COL11A1: variants seen among roughly 807,000 people sequenced by gnomAD.
The protein encoded by COL11A1 is collagen type XI alpha 1 chain.
Under a neutral mutation model 265.2 loss-of-function variants are expected in COL11A1, and 74 were observed. The observed-to-expected ratio is 0.28, with a 90% CI of 0.23 to 0.34. The LOEUF (loss-of-function observed/expected upper bound fraction) is 0.34, where lower values mean the gene tolerates loss of function less well. COL11A1 is among the 10% of genes least tolerant of loss of function. COL11A1 has a pLI of 1.00. For missense variants in COL11A1, 2,165 were observed against 2,263.6 expected (o/e 0.96, Z 0.88); for synonymous variants, 816 against 727.6 (o/e 1.12, Z -1.96).
intron 5 of COL11A1, among the ~76,000 whole-genome samples, chr1:103,027,781 A>G (rs1264374719): frequency 6.6e-6 from 1 of 152,106 alleles, no homozygotes; most frequent in African/African-American, 2.4e-5. Context: ...AACCTGGACA[A>G]CTTAAACGTA....
At chr1:103,001,659 T>A (rs777695679) in intron 24 of COL11A1, 3 of 516,462 alleles carry the variant, frequency 5.8e-6, no homozygotes, top group Non-Finnish European at 1.0e-5. Context: ...TATTCACTCA[T>A]ACCGTTATGT....
intron 37 of COL11A1, among the ~76,000 whole-genome samples, chr1:102,967,486 C>G (rs12123005): frequency 0.076 from 11,502 of 151,932 alleles, 490 homozygotes; most frequent in African/African-American, 0.11. Context: ...GTGATCCGCC[C>G]GCCTCGGCCT....
At chr1:103,009,206 G>A (rs987556701) in intron 14 of COL11A1, among the ~76,000 whole-genome samples, 3 of 152,158 alleles carry the variant, frequency 2.0e-5, no homozygotes, top group Admixed American at 2.0e-4. Context: ...CTGAGGTCAG[G>A]AGTTCGAGAC....
chr1:102,929,348 A>T (rs922042901), intron 46 of COL11A1, among the ~76,000 whole-genome samples: 12 of 152,094 alleles, frequency 7.9e-5, no homozygotes, highest in African/African-American at 2.9e-4. Context: ...TTAAATAGGG[A>T]ATCCTTTCCC....
chr1:102,970,660 A>C (rs965835882), intron 36 of COL11A1, among the ~76,000 whole-genome samples: 2 of 152,102 alleles, frequency 1.3e-5, no homozygotes, highest in Non-Finnish European at 2.9e-5. Context: ...CGGTGCATCA[A>C]AACTTGGATA....
chr1:102,880,479 G>A (rs571942230), intron 65 of COL11A1, among the ~76,000 whole-genome samples: 2 of 152,220 alleles, frequency 1.3e-5, no homozygotes, highest in East Asian at 3.9e-4. Flanking sequence ...TAGATGATGT[G>A]TGTATTCAAC....
At chr1:103,008,406 A>G (rs1665820998) in intron 15 of COL11A1, 57 bp downstream of exon 15, 1 of 1,406,792 alleles carries the variant, frequency 7.1e-7, no homozygotes, top group Non-Finnish European at 1.0e-6. Context: ...TCTCGAAGGA[A>G]TTATGCTGTA....
intron 31 of COL11A1, 137 bp downstream of exon 31, chr1:102,984,001 A>G (rs1210196772): frequency 1.6e-5 from 10 of 634,464 alleles, no homozygotes; most frequent in African/African-American, 5.5e-5. Context: ...GCGTCCACAC[A>G]CTCTATGATT....
intron 3 of COL11A1, among the ~76,000 whole-genome samples, chr1:103,078,048 G>A (rs748295955): frequency 5.3e-5 from 8 of 152,024 alleles, no homozygotes; most frequent in East Asian, 1.9e-4. Context: ...TTAGTAAAAC[G>A]TAAGTCAAAT....
intron 2 of COL11A1, among the ~76,000 whole-genome samples, chr1:103,080,420 C>T (rs1193616396): frequency 6.6e-6 from 1 of 151,716 alleles, no homozygotes; most frequent in Non-Finnish European, 1.5e-5. Context: ...GCAAACTATA[C>T]ATCTGATAAG....
At chr1:102,957,243 A>G (rs1229034281) in intron 41 of COL11A1, among the ~76,000 whole-genome samples, 1 of 152,076 alleles carries the variant, frequency 6.6e-6, no homozygotes, top group Non-Finnish European at 1.5e-5. Context: ...TAGATAGAAC[A>G]CTTGAATGGA....
In COL11A1 at chr1:102,987,371, CT is replaced by C. The variant is rs34440236; in HGVS notation, c.2502+261del. Among the ~76,000 whole-genome samples, 197 of 145,504 alleles carry C rather than the reference CT, an allele frequency of 1.4e-3. 1 individual carries two copies. Among genetic ancestry groups the C allele is most frequent in the African/African-American group, 3.8e-3 (149 of 39,436 alleles). On this transcript the variant is annotated intron_variant, in intron 30 of 66. Transcript: ENST00000370096. ...TAACACTTGTCATAGACATTTCTTG[CT>C]TTTTTTTTTTTAAATTTAACTTCAC...
At chr1:103,044,192 C>A (rs1287197202) in intron 4 of COL11A1, among the ~76,000 whole-genome samples, 2 of 149,686 alleles carry the variant, frequency 1.3e-5, no homozygotes, top group Non-Finnish European at 1.5e-5. Context: ...ACACCCCATA[C>A]AGTTAATGAT....
intron 50 of COL11A1, among the ~76,000 whole-genome samples, chr1:102,915,350 T>C (rs1655214804): frequency 6.6e-6 from 1 of 152,198 alleles, no homozygotes; most frequent in African/African-American, 2.4e-5. Context: ...GTTTGTTCCT[T>C]TTATGGACAG....
chr1:102,891,843 A>C (rs1376778035), intron 57 of COL11A1, among the ~76,000 whole-genome samples: 4 of 152,098 alleles, frequency 2.6e-5, no homozygotes, highest in Non-Finnish European at 5.9e-5. Context: ...AGATCACACC[A>C]CTGCACTCCT....
rs542169573 is a variant in COL11A1 at position 102,903,116 on chromosome 1, T to C, written c.4087-4122A>G. 6.4e-4 allele frequency among the ~76,000 whole-genome samples: 98 copies of C among 152,208 alleles called. 1 individual carries two copies. The highest frequency in any genetic ancestry group is 2.3e-3 in the African/African-American group (97 of 41,566). ...TTCAGTAAAAGGACATGGAACTAGC[T>C]AAAATGATAACTTTAGTATTAGAAG... On this transcript the variant is annotated intron_variant, in intron 54 of 66. Coordinates refer to ENST00000370096, the MANE Select transcript of COL11A1 (RefSeq NM_001854.4).
At chr1:103,069,500 G>C (rs918266184) in intron 4 of COL11A1, among the ~76,000 whole-genome samples, 1 of 151,634 alleles carries the variant, frequency 6.6e-6, no homozygotes, top group Non-Finnish European at 1.5e-5. Context: ...TGGAGTAAAA[G>C]TTTCTTAGAA....
intron 41 of COL11A1, among the ~76,000 whole-genome samples, chr1:102,954,450 C>T (rs964650919): frequency 2.6e-5 from 4 of 152,032 alleles, no homozygotes; most frequent in African/African-American, 9.7e-5. Flanking sequence ...GTTAAGATGC[C>T]GCCCACTAGA....
chr1:103,001,196 G>A (rs1438557577), intron 24 of COL11A1: 24 of 397,388 alleles, frequency 6.0e-5, no homozygotes, highest in Middle Eastern at 6.2e-4. Context: ...TTAGATTGCA[G>A]CACATCTGTA....
Sources: allele counts gnomAD v4.1 joint callset (sites outside exome capture counted in the v4.1 genomes callset), GRCh38; gene constraint gnomAD v4.1.1; transcripts MANE v1.5; gene names NCBI Gene and HGNC (gene_info 2026-07-23, HGNC 2026-07-21).